Variants in CTNNA3 observed in about 807,000 individuals in gnomAD.
CTNNA3 encodes catenin alpha 3.
A neutral mutation model predicts 95.7 loss-of-function variants in CTNNA3; 76 were observed. The ratio of observed to expected loss-of-function variants is 0.79; its 90% CI spans 0.66 to 0.96. The LOEUF (loss-of-function observed/expected upper bound fraction) is 0.96, where lower values mean the gene tolerates loss of function less well. Among genes scored for constraint, CTNNA3 ranks in the 40% least tolerant of loss-of-function variants. The pLI is 0.00. For missense variants in CTNNA3, 1,191 were observed against 1,089.8 expected, an observed-to-expected ratio of 1.09 and a Z score of -1.31; for synonymous variants, 431 against 374.4, an observed-to-expected ratio of 1.15 and a Z score of -1.74.
At chr10:67,187,739 C>T (rs537574162) in intron 6 of CTNNA3, among the ~76,000 whole-genome samples, 1 of 152,166 alleles carries the variant, frequency 6.6e-6, no homozygotes, top group South Asian at 2.1e-4. Flanking sequence ...GTGTGTGCCA[C>T]CCCACCCAGC....
intron 5 of CTNNA3, among the ~76,000 whole-genome samples, chr10:67,284,919 A>T (rs1306880014): frequency 6.6e-6 from 1 of 152,162 alleles, no homozygotes; most frequent in Non-Finnish European, 1.5e-5. Flanking sequence ...GAGAGACATA[A>T]GACTTCAGTC....
rs539136707 is a variant in CTNNA3, at chr10:66,427,634, A to G, written c.1532-48282T>C. On this transcript the variant is annotated intron_variant, in intron 11 of 17. Coordinates refer to ENST00000433211, the MANE Select transcript of CTNNA3 (RefSeq NM_013266.4). ...CTCTTGTAAACAGAGGTGGAACAAC[A>G]ATAAGCCATTTCAGCATATGAGTGA... 1.5e-3 allele frequency among the ~76,000 whole-genome samples: 227 copies of G among 152,240 alleles called. 1 individual carries two copies. Among genetic ancestry groups the G allele is most frequent in the Middle Eastern group, 3.4e-3 (1 of 294 alleles).
intron 11 of CTNNA3, among the ~76,000 whole-genome samples, chr10:66,459,438 T>C (rs6480175): frequency 0.2 from 30,963 of 152,124 alleles, 3,502 homozygotes; most frequent in South Asian, 0.3. Context: ...TCTGATCAGA[T>C]AGTAATCTAT....
chr10:67,364,204 A>G (rs952060834), intron 5 of CTNNA3, among the ~76,000 whole-genome samples: 2 of 152,186 alleles, frequency 1.3e-5, no homozygotes, highest in Non-Finnish European at 2.9e-5. Context: ...CCATCACATA[A>G]ACAGTACCAA....
chr10:67,394,159 A>G (rs1477717189), intron 5 of CTNNA3, among the ~76,000 whole-genome samples: 1 of 152,158 alleles, frequency 6.6e-6, no homozygotes, highest in Non-Finnish European at 1.5e-5. Context: ...GTGATATCAC[A>G]TACACAATGT....
intron 5 of CTNNA3, among the ~76,000 whole-genome samples, chr10:67,416,186 C>G (rs1476701015): frequency 6.6e-6 from 1 of 152,012 alleles, no homozygotes; most frequent in Admixed American, 6.6e-5. Context: ...GCAAAAAAAA[C>G]TATGAACAGA....
intron 1 of CTNNA3, among the ~76,000 whole-genome samples, chr10:67,690,408 C>T (rs1467391504): frequency 1.3e-5 from 2 of 152,164 alleles, no homozygotes; most frequent in African/African-American, 4.8e-5. Flanking sequence ...ACTGCTGGCT[C>T]AGGTAGCCAG....
At chr10:67,295,010 A>G (rs1839979298) in intron 5 of CTNNA3, among the ~76,000 whole-genome samples, 1 of 152,150 alleles carries the variant, frequency 6.6e-6, no homozygotes, top group South Asian at 2.1e-4. Flanking sequence ...GTTGAATTAA[A>G]TGCCTTCAAC....
intron 13 of CTNNA3, among the ~76,000 whole-genome samples, chr10:66,105,045 A>G (rs1476671143): frequency 6.6e-6 from 1 of 152,196 alleles, no homozygotes; most frequent in African/African-American, 2.4e-5. Flanking sequence ...AGCAATACCC[A>G]TCCCTTTGCA....
intron 5 of CTNNA3, among the ~76,000 whole-genome samples, chr10:67,368,014 G>A (rs1026900102): frequency 7.9e-5 from 12 of 152,032 alleles, no homozygotes; most frequent in Admixed American, 2.0e-4. Flanking sequence ...AAAAACCTGC[G>A]CATGTACCCC....
intron 16 of CTNNA3, among the ~76,000 whole-genome samples, chr10:65,986,628 T>C (rs1356080510): frequency 6.6e-6 from 1 of 151,714 alleles, no homozygotes; most frequent in African/African-American, 2.4e-5. Flanking sequence ...AAAATGTCCA[T>C]ACTGCCCAGA....
intron 4 of CTNNA3, among the ~76,000 whole-genome samples, chr10:67,537,386 TA>T (rs1840519607): frequency 6.6e-6 from 1 of 152,202 alleles, no homozygotes; most frequent in Non-Finnish European, 1.5e-5. Flanking sequence ...AGGGCTGTTA[TA>T]AGAATTGAAT....
intron 7 of CTNNA3, among the ~76,000 whole-genome samples, chr10:66,794,783 T>C (rs1841123788): frequency 6.6e-6 from 1 of 152,204 alleles, no homozygotes; most frequent in Non-Finnish European, 1.5e-5. Flanking sequence ...TCAAACCATG[T>C]GTCTGCTTTA....
intron 7 of CTNNA3, among the ~76,000 whole-genome samples, chr10:67,115,207 T>G (rs1298237163): frequency 6.6e-6 from 1 of 151,988 alleles, no homozygotes; most frequent in Non-Finnish European, 1.5e-5. Flanking sequence ...CTAACAACAG[T>G]GCAAACAAGA....
chr10:65,959,577 T>C (rs1342266968), intron 17 of CTNNA3, among the ~76,000 whole-genome samples: 1 of 152,152 alleles, frequency 6.6e-6, no homozygotes. Context: ...CAGGGTGGAA[T>C]GCAGTGGCAT....
chr10:66,144,390 A>T (rs1032647062), intron 13 of CTNNA3, among the ~76,000 whole-genome samples: 1 of 152,204 alleles, frequency 6.6e-6, no homozygotes, highest in African/African-American at 2.4e-5. Context: ...AAACATTACT[A>T]AATTCTGAAA....
intron 13 of CTNNA3, 146 bp downstream of exon 13, chr10:66,280,324 T>C (rs2091470182): frequency 6.1e-6 from 4 of 656,436 alleles, no homozygotes; most frequent in South Asian, 5.9e-5. Flanking sequence ...GATCTGACTT[T>C]GGGGATACAT....
At chr10:67,637,652 T>A (rs1055610057) in intron 2 of CTNNA3, among the ~76,000 whole-genome samples, 2 of 152,190 alleles carry the variant, frequency 1.3e-5, no homozygotes, top group African/African-American at 4.8e-5. Flanking sequence ...CCCATCAGAC[T>A]AATAGCTGAT....
chr10:66,783,805 G>T (rs1327084263), intron 7 of CTNNA3, among the ~76,000 whole-genome samples: 1 of 152,072 alleles, frequency 6.6e-6, no homozygotes, highest in African/African-American at 2.4e-5. Flanking sequence ...TGGAGATAGA[G>T]AATCAGAAAA....
Sources: gnomAD v4.1 joint callset for allele counts (sites outside exome capture counted in the v4.1 genomes callset) on GRCh38, gnomAD v4.1.1 for gene constraint, MANE v1.5 for transcripts, NCBI Gene and HGNC (gene_info 2026-07-23, HGNC 2026-07-21) for gene names.